Variants in EGFR observed in about 807,000 individuals in gnomAD.
EGFR encodes epidermal growth factor receptor.
Under a neutral mutation model 143.0 loss-of-function variants are expected in EGFR, and 58 were observed. That is an observed-to-expected ratio of 0.41 (90% CI 0.33 to 0.50). EGFR has a LOEUF of 0.50. Ranked by LOEUF, EGFR falls within the 20% of genes least tolerant of loss-of-function variation. EGFR has a pLI of 0.39. For missense variants in EGFR, 1,307 were observed against 1,579.0 expected (o/e 0.83, Z 2.92); for synonymous variants, 613 against 594.4 (o/e 1.03, Z -0.45).
At chr7:55,019,395 C>G (rs777050291) in intron 1 of EGFR, 30 bp downstream of exon 1, 1 of 1,365,116 alleles carries the variant, frequency 7.3e-7, no homozygotes, top group Non-Finnish European at 9.6e-7. Context: ...GCTCCCGCGC[C>G]GCCCCCGGAT....
intron 1 of EGFR, among the ~76,000 whole-genome samples, chr7:55,097,910 T>C (rs1403518266): frequency 6.6e-6 from 1 of 152,210 alleles, no homozygotes; most frequent in Admixed American, 6.5e-5. Context: ...TCTTGATCTT[T>C]CCCCAAATTT....
chr7:55,044,716 CG>C (rs1788091152), intron 1 of EGFR, among the ~76,000 whole-genome samples: 2 of 152,272 alleles, frequency 1.3e-5, no homozygotes, highest in East Asian at 3.9e-4. Flanking sequence ...TGTTTCCCGC[CG>C]CCCCCCGCAT....
intron 23 of EGFR, among the ~76,000 whole-genome samples, chr7:55,199,855 C>T (rs979534946): frequency 3.9e-5 from 6 of 152,202 alleles, no homozygotes; most frequent in East Asian, 1.9e-4. Flanking sequence ...GTACTGGAGA[C>T]GCCGGGGGTA....
intron 1 of EGFR, among the ~76,000 whole-genome samples, chr7:55,117,300 G>C (rs1466618949): frequency 6.6e-6 from 1 of 152,146 alleles, no homozygotes; most frequent in Admixed American, 6.5e-5. Context: ...ATCGGTAAAA[G>C]TTTGTTGAAT....
intron 1 of EGFR, among the ~76,000 whole-genome samples, chr7:55,116,804 T>C (rs1034029975): frequency 6.6e-6 from 1 of 152,258 alleles, no homozygotes; most frequent in African/African-American, 2.4e-5. Context: ...TATGTGTTGA[T>C]ATTTTTCCAT....
chr7:55,082,441 C>T (rs774126548), intron 1 of EGFR, among the ~76,000 whole-genome samples: 1 of 152,084 alleles, frequency 6.6e-6, no homozygotes, highest in Non-Finnish European at 1.5e-5. Context: ...TGGAGACTCA[C>T]AGCAATAGTT....
At chr7:55,106,833 T>TA (rs1792162526) in intron 1 of EGFR, among the ~76,000 whole-genome samples, 3 of 152,162 alleles carry the variant, frequency 2.0e-5, no homozygotes, top group Admixed American at 1.3e-4. Context: ...AAGTCGGTTT[T>TA]AAAAAATCAT....
chr7:55,060,792 C>T (rs1413891168), intron 1 of EGFR, among the ~76,000 whole-genome samples: 1 of 152,212 alleles, frequency 6.6e-6, no homozygotes, highest in Non-Finnish European at 1.5e-5. Context: ...GCTCTGGATA[C>T]CGTGTGGCCT....
At chr7:55,135,816 A>G (rs1303592116) in intron 1 of EGFR, among the ~76,000 whole-genome samples, 4 of 152,070 alleles carry the variant, frequency 2.6e-5, no homozygotes, top group South Asian at 4.1e-4. Flanking sequence ...ATAGATGTAC[A>G]TGATTATTTC....
chr7:55,157,354 T>A (rs887086252), intron 10 of EGFR, among the ~76,000 whole-genome samples: 1 of 152,208 alleles, frequency 6.6e-6, no homozygotes, highest in Non-Finnish European at 1.5e-5. Flanking sequence ...TGGCAGATAA[T>A]CGCAGCAGGA....
chr7:55,151,476 G>T, intron 5 of EGFR, 114 bp downstream of exon 5: 4 of 1,083,084 alleles, frequency 3.7e-6, no homozygotes, highest in Non-Finnish European at 4.2e-6. Flanking sequence ...CTTTATTACA[G>T]GGTCAGATGT....
chr7:55,165,742 G>A (rs952604480), intron 15 of EGFR, among the ~76,000 whole-genome samples: 3 of 152,038 alleles, frequency 2.0e-5, no homozygotes, highest in African/African-American at 7.3e-5. Context: ...GTCTCCAGGG[G>A]CTTTTGCGTT....
chr7:55,162,464 C>G (rs1785756881), intron 13 of EGFR, among the ~76,000 whole-genome samples: 1 of 152,216 alleles, frequency 6.6e-6, no homozygotes, highest in African/African-American at 2.4e-5. Context: ...CTGATAGGCT[C>G]AGAACAAATC....
Position 55,206,134 on chromosome 7 carries a change from A to G in EGFR, c.*517A>G, listed in dbSNP as rs934557303. 2.7e-5 allele frequency: 8 copies of G among 298,804 alleles called. No homozygotes were observed. The highest frequency in any genetic ancestry group is 4.7e-5 in the Admixed American group (1 of 21,376). The allele number at this position is 298,804 out of a possible 1,614,324, so 18.5% of individuals were successfully genotyped here. On this transcript the variant is annotated 3_prime_UTR_variant, in exon 28 of 28. Coordinates refer to ENST00000275493, the MANE Select transcript of EGFR (RefSeq NM_005228.5). Reference sequence around the variant, plus strand: ...TTCAAGGCTTCCACTGCAAAACACTAAAGATCCAAGAAGGCCTTCATGGCC... The same window carrying G: ...TTCAAGGCTTCCACTGCAAAACACTGAAGATCCAAGAAGGCCTTCATGGCC...
intron 1 of EGFR, among the ~76,000 whole-genome samples, chr7:55,048,158 A>G (rs1257848964): frequency 1.3e-5 from 2 of 152,168 alleles, no homozygotes; most frequent in Non-Finnish European, 2.9e-5. Flanking sequence ...ATAATAAAAA[A>G]ATCCTTAGAC....
At chr7:55,202,702 A>G (rs757354815) in intron 27 of EGFR, 77 bp downstream of exon 27, 6 of 1,344,698 alleles carry the variant, frequency 4.5e-6, no homozygotes, top group Non-Finnish European at 6.3e-6. Context: ...TCCAGTGTCC[A>G]AGCCAGGTGC....
chr7:55,019,235 G>C lies in EGFR; in HGVS notation c.-43G>C, dbSNP rs1218040061. 2 of 1,428,642 alleles carry C rather than the reference G, an allele frequency of 1.4e-6. No individual in the cohort carries two copies. Among genetic ancestry groups the C allele is most frequent in the Non-Finnish European group, 9.3e-7 (1 of 1,070,546 alleles). The allele number at this position is 1,428,642 out of a possible 1,614,324, so 88.5% of individuals were successfully genotyped here. A position where few individuals can be genotyped will look rare whatever the true frequency, so the allele number is the denominator to read the frequency against. ...GCGCACGGCCCCCTGACTCCGTCCA[G>C]TATTGATCGGGAGAGCCGGAGCGAG... is the stretch of plus-strand genomic sequence containing the variant. On this transcript the variant is annotated 5_prime_UTR_variant, in exon 1 of 28. Transcript: ENST00000275493.
chr7:55,146,962 C>A (rs554189556), intron 4 of EGFR, among the ~76,000 whole-genome samples: 2 of 152,148 alleles, frequency 1.3e-5, no homozygotes, highest in Non-Finnish European at 2.9e-5. Context: ...GTGCAGGCCA[C>A]CGGAGGCAGA....
chr7:55,197,687 C>A (rs146697638), intron 22 of EGFR, among the ~76,000 whole-genome samples: 1 of 152,104 alleles, frequency 6.6e-6, no homozygotes, highest in Non-Finnish European at 1.5e-5. Flanking sequence ...TCTTTAAATA[C>A]CTAGTTTATT....
Sources: allele counts gnomAD v4.1 joint callset (sites outside exome capture counted in the v4.1 genomes callset), GRCh38; gene constraint gnomAD v4.1.1; transcripts MANE v1.5; gene names NCBI Gene and HGNC (gene_info 2026-07-23, HGNC 2026-07-21).